Variants in THRB observed in about 807,000 individuals in gnomAD.
THRB encodes nuclear receptor subfamily 1 group A member 2.
In THRB, 12 loss-of-function variants were observed where a neutral mutation model predicts 47.8. The ratio of observed to expected loss-of-function variants is 0.25; its 90% CI spans 0.16 to 0.41. THRB has a LOEUF of 0.41. THRB is among the 10% of genes least tolerant of loss of function. The probability of loss-of-function intolerance (pLI) is 1.00; values close to 1 mark genes in which losing one functional copy is unlikely to be tolerated. For missense variants in THRB, 348 were observed against 589.2 expected, an observed-to-expected ratio of 0.59 and a Z score of 4.24; for synonymous variants, 218 against 212.2, an observed-to-expected ratio of 1.03 and a Z score of -0.24.
At chr3:24,207,050 G>A (rs916780313) in intron 4 of THRB, among the ~76,000 whole-genome samples, 17 of 152,206 alleles carry the variant, frequency 1.1e-4, no homozygotes, top group African/African-American at 3.9e-4. Context: ...ATTCACAGCC[G>A]AATTCTACCA....
chr3:24,203,840 C>T (rs886290794), intron 4 of THRB, among the ~76,000 whole-genome samples: 5 of 152,340 alleles, frequency 3.3e-5, no homozygotes, highest in East Asian at 1.9e-4. Context: ...CCTTAGCAAA[C>T]GGCACACCAG....
intron 3 of THRB, among the ~76,000 whole-genome samples, chr3:24,270,391 G>C (rs778792923): frequency 1.3e-5 from 2 of 152,182 alleles, no homozygotes; most frequent in Non-Finnish European, 2.9e-5. Flanking sequence ...CATGTGTCAG[G>C]TCAGAGATGA....
chr3:24,134,230 T>C (rs981045055), intron 8 of THRB, among the ~76,000 whole-genome samples: 1 of 152,100 alleles, frequency 6.6e-6, no homozygotes, highest in Non-Finnish European at 1.5e-5. Flanking sequence ...AGAATCAGCA[T>C]TTTAGCAAGA....
chr3:24,242,676 C>G (rs1273087550), intron 3 of THRB, among the ~76,000 whole-genome samples: 12 of 152,130 alleles, frequency 7.9e-5, no homozygotes, highest in African/African-American at 2.9e-4. Flanking sequence ...AATCACATAC[C>G]TTCTTCTTGA....
intron 5 of THRB, among the ~76,000 whole-genome samples, chr3:24,176,334 GTTGT>G (rs1266767540): frequency 2.6e-5 from 4 of 152,094 alleles, no homozygotes; most frequent in Non-Finnish European, 4.4e-5. Context: ...AAGTTGAGTG[GTTGT>G]TTAAGTGGAA....
At chr3:24,266,182 C>T (rs752722514) in intron 3 of THRB, among the ~76,000 whole-genome samples, 7 of 152,104 alleles carry the variant, frequency 4.6e-5, no homozygotes, top group Non-Finnish European at 1.0e-4. Context: ...AGTCTCTGCC[C>T]TCTTTTAACA....
intron 2 of THRB, among the ~76,000 whole-genome samples, chr3:24,308,349 G>A (rs2057508480): frequency 6.6e-6 from 1 of 152,156 alleles, no homozygotes; most frequent in Non-Finnish European, 1.5e-5. Context: ...AAGAATTAGG[G>A]AGGCTTAACA....
chr3:24,470,665 G>A (rs192193256), intron 1 of THRB, among the ~76,000 whole-genome samples: 24 of 152,296 alleles, frequency 1.6e-4, no homozygotes, highest in African/African-American at 5.8e-4. Flanking sequence ...CTCCCAGGCT[G>A]GAGTGCAATG....
At chr3:24,158,020 T>C (rs2038135895) in intron 5 of THRB, among the ~76,000 whole-genome samples, 1 of 152,356 alleles carries the variant, frequency 6.6e-6, no homozygotes, top group Middle Eastern at 3.4e-3. Context: ...GTTGATATAA[T>C]GCGTTTGAGT....
intron 3 of THRB, among the ~76,000 whole-genome samples, chr3:24,289,524 CTA>C (rs754090281): frequency 1.4e-4 from 21 of 152,116 alleles, no homozygotes; most frequent in Admixed American, 5.9e-4. Context: ...ATCTATCCCT[CTA>C]TCAGTCTTTT....
chr3:24,493,697 TTA>T (rs1698540432), intron 1 of THRB, among the ~76,000 whole-genome samples: 1 of 152,228 alleles, frequency 6.6e-6, no homozygotes, highest in Non-Finnish European at 1.5e-5. Context: ...TTATGAATTG[TTA>T]TGTTTCTAGA....
intron 3 of THRB, among the ~76,000 whole-genome samples, chr3:24,269,599 ATTT>A (rs10575669): frequency 2.7e-4 from 36 of 134,278 alleles, no homozygotes; most frequent in African/African-American, 4.1e-4. Flanking sequence ...ATAATTTTTA[ATTT>A]TTTTTTTTTT....
chr3:24,330,238 C>G (rs975545099), intron 2 of THRB, among the ~76,000 whole-genome samples: 3 of 151,972 alleles, frequency 2.0e-5, no homozygotes, highest in East Asian at 1.9e-4. Context: ...ACCCGGGAAG[C>G]GGAGCTTGCA....
At position 24,408,818 on chromosome 3, in the gene THRB, G is replaced by GA. The variant is rs572553979; in HGVS notation, c.-260-71448dup. Among the ~76,000 whole-genome samples the GA allele has an allele frequency of 4.3e-4, 65 of 150,890 alleles. 1 individual carries two copies. The highest frequency in any genetic ancestry group is 1.5e-3 in the African/African-American group (62 of 41,216). The stretch of plus-strand genomic sequence containing the variant: ...TAACACAGTTCAAATCATTACAGAA[G>GA]AAAAAAAATCCTTTCCATAAAAAAA... On this transcript the variant is annotated intron_variant, in intron 1 of 10. Transcript: ENST00000646209.
At chr3:24,134,766 G>T (rs561777546) in intron 8 of THRB, among the ~76,000 whole-genome samples, 23 of 152,290 alleles carry the variant, frequency 1.5e-4, no homozygotes, top group African/African-American at 5.5e-4. Flanking sequence ...GCCCTACCCA[G>T]TGGTGGCCAC....
At chr3:24,197,183 A>G (rs892090633) in intron 4 of THRB, among the ~76,000 whole-genome samples, 2 of 152,264 alleles carry the variant, frequency 1.3e-5, no homozygotes, top group Non-Finnish European at 2.9e-5. Flanking sequence ...GACATAATTC[A>G]TGCCCAGTTT....
At chr3:24,479,427 G>A (rs890428237) in intron 1 of THRB, among the ~76,000 whole-genome samples, 7 of 152,218 alleles carry the variant, frequency 4.6e-5, no homozygotes, top group Non-Finnish European at 1.0e-4. Context: ...GAGAAACCTT[G>A]CTCCAGGGGA....
intron 1 of THRB, among the ~76,000 whole-genome samples, chr3:24,490,353 A>T (rs1697952546): frequency 6.6e-6 from 1 of 152,228 alleles, no homozygotes; most frequent in Non-Finnish European, 1.5e-5. Flanking sequence ...ATATGATGCA[A>T]TGCAGGCAGC....
intron 3 of THRB, among the ~76,000 whole-genome samples, chr3:24,289,231 A>G (rs2055668258): frequency 6.6e-6 from 1 of 152,184 alleles, no homozygotes; most frequent in African/African-American, 2.4e-5. Context: ...GATTTAAAGC[A>G]CCAACAAGAT....
Sources: allele counts gnomAD v4.1 joint callset (sites outside exome capture counted in the v4.1 genomes callset), GRCh38; gene constraint gnomAD v4.1.1; transcripts MANE v1.5; gene names NCBI Gene and HGNC (gene_info 2026-07-23, HGNC 2026-07-21).